The following FMN2 variants were observed in gnomAD, a reference collection of about 807,000 sequenced individuals.
FMN2 encodes formin-2.
A neutral mutation model predicts 142.3 loss-of-function variants in FMN2; 51 were observed. The ratio of observed to expected loss-of-function variants is 0.36; its 90% confidence interval spans 0.29 to 0.45. The LOEUF (loss-of-function observed/expected upper bound fraction) is 0.45. Ranked by LOEUF, FMN2 falls within the 20% of genes least tolerant of loss-of-function variation. The pLI, the probability that FMN2 is intolerant of heterozygous loss-of-function variation, is 1.00. For missense variants in FMN2, 1,936 were observed against 2,122.8 expected, an observed-to-expected ratio of 0.91 and a Z score of 1.73; for synonymous variants, 882 against 869.8, an observed-to-expected ratio of 1.01 and a Z score of -0.25.
rs1025272533 is a variant in FMN2, at chr1:240,417,711, T to G, written c.4911-20350T>G. ...ACTCTTCATATTGGACTATTTGTCT[T>G]TCTTAGTGGTACATAAAATATTATT... On this transcript the variant is annotated intron_variant, in intron 15 of 17. Transcript: ENST00000319653. Among the ~76,000 whole-genome samples, 9 of 152,304 alleles carry G rather than the reference T, an allele frequency of 5.9e-5. No individual in the cohort carries two copies. In the East Asian group the frequency reaches 1.5e-3, roughly 26 times the overall value.
At chr1:240,405,724 C>T (rs1674129460) in intron 15 of FMN2, among the ~76,000 whole-genome samples, 1 of 152,010 alleles carries the variant, frequency 6.6e-6, no homozygotes, top group South Asian at 2.1e-4. Context: ...GATTCCAGAA[C>T]TCAATAGTTA....
chr1:240,246,507 T>A (rs1298331723), intron 6 of FMN2, among the ~76,000 whole-genome samples: 1 of 152,152 alleles, frequency 6.6e-6, no homozygotes, highest in Non-Finnish European at 1.5e-5. Flanking sequence ...AACTGAGGCT[T>A]TAGGATGTTG....
chr1:240,353,190 G>T (rs1672153820), intron 13 of FMN2, among the ~76,000 whole-genome samples: 1 of 152,112 alleles, frequency 6.6e-6, no homozygotes, highest in Non-Finnish European at 1.5e-5. Context: ...ACTCCACTTG[G>T]TCTTATAAAA....
At position 240,207,683 on chromosome 1, in the gene FMN2, C is replaced by T. The variant is rs529662001; in HGVS notation, c.2871C>T (p.Pro957=). ...PLPGAAIPPP[P]PLPGAGIPLP... Reference sequence around the variant, plus strand: ...CCGGAGCGGCAATACCCCCTCCGCCCCCTCTTCCCGGGGCAGGCATACCCC... The same window carrying T: ...CCGGAGCGGCAATACCCCCTCCGCCTCCTCTTCCCGGGGCAGGCATACCCC... The change falls in exon 5 of 18, where the codon CCC becomes CCT. Residue 957 remains proline (P), a synonymous_variant. Coordinates refer to ENST00000319653, the MANE Select transcript of FMN2 (RefSeq NM_020066.5). 65 of 1,430,760 alleles carry T rather than the reference C, an allele frequency of 4.5e-5. 3 individuals are homozygous for T. The highest frequency in any genetic ancestry group is 3.7e-4 in the Admixed American group (21 of 56,576). 88.6% of individuals were successfully genotyped at this position (1,430,760 alleles called of 1,614,324 possible).
At chr1:240,353,174 G>A (rs1176954663) in intron 13 of FMN2, among the ~76,000 whole-genome samples, 1 of 152,182 alleles carries the variant, frequency 6.6e-6, no homozygotes, top group Non-Finnish European at 1.5e-5. Context: ...CACTTCCTTA[G>A]GCTGAACTCC....
At chr1:240,459,042 A>G (rs1676349635) in intron 16 of FMN2, 1 of 152,224 alleles carries the variant, frequency 6.6e-6, no homozygotes, top group Non-Finnish European at 1.5e-5. Flanking sequence ...AGACTTAAAA[A>G]TATTAGTGAT....
chr1:240,361,129 A>C (rs941446268), intron 14 of FMN2, among the ~76,000 whole-genome samples: 5 of 56,776 alleles, frequency 8.8e-5, no homozygotes, highest in Non-Finnish European at 1.5e-4. Context: ...ATAATAATAA[A>C]TAAATATATG....
intron 15 of FMN2, among the ~76,000 whole-genome samples, chr1:240,434,054 G>A (rs555639350): frequency 1.3e-5 from 2 of 152,304 alleles, no homozygotes; most frequent in South Asian, 2.1e-4. Flanking sequence ...AACAAAAGAC[G>A]TGTGGTGTTG....
intron 13 of FMN2, among the ~76,000 whole-genome samples, chr1:240,352,622 G>A (rs1672132174): frequency 1.3e-5 from 2 of 152,062 alleles, no homozygotes; most frequent in Admixed American, 6.6e-5. Flanking sequence ...AGACTTTTGG[G>A]AACACTGTGT....
intron 8 of FMN2, among the ~76,000 whole-genome samples, chr1:240,304,076 A>T (rs1014664475): frequency 2.6e-5 from 4 of 151,944 alleles, no homozygotes; most frequent in Non-Finnish European, 5.9e-5. Flanking sequence ...TTGTCTGTAC[A>T]TTGTTTTCTT....
At chr1:240,452,230 TC>T (rs1157741349) in intron 16 of FMN2, among the ~76,000 whole-genome samples, 2 of 152,112 alleles carry the variant, frequency 1.3e-5, no homozygotes, top group Non-Finnish European at 2.9e-5. Flanking sequence ...ATGTAGCCAT[TC>T]ACTCTTTTTC....
intron 2 of FMN2, among the ~76,000 whole-genome samples, chr1:240,139,429 C>T (rs994660267): frequency 9.9e-5 from 15 of 152,218 alleles, no homozygotes; most frequent in Admixed American, 2.0e-4. Flanking sequence ...GAGAGATTGA[C>T]GACTCTTCAG....
intron 1 of FMN2, among the ~76,000 whole-genome samples, chr1:240,106,117 A>G (rs1184425171): frequency 1.3e-5 from 2 of 152,332 alleles, no homozygotes; most frequent in African/African-American, 4.8e-5. Flanking sequence ...AAACAACTCT[A>G]TAGTATTTTA....
intron 16 of FMN2, among the ~76,000 whole-genome samples, chr1:240,441,359 G>C (rs181111844): frequency 1.9e-4 from 29 of 152,146 alleles, no homozygotes; most frequent in Non-Finnish European, 4.0e-4. Flanking sequence ...GAATGCCCTG[G>C]GACATGGATA....
At chr1:240,402,363 C>T (rs948039490) in intron 15 of FMN2, among the ~76,000 whole-genome samples, 14 of 152,302 alleles carry the variant, frequency 9.2e-5, no homozygotes, top group Admixed American at 5.9e-4. Context: ...GAAAGTGGAA[C>T]TTTGAGCTCC....
At chr1:240,164,968 A>AT (rs1356264809) in intron 2 of FMN2, among the ~76,000 whole-genome samples, 2 of 151,454 alleles carry the variant, frequency 1.3e-5, no homozygotes, top group Non-Finnish European at 2.9e-5. Flanking sequence ...TTATCCTCTT[A>AT]TTTTTTCTGC....
intron 13 of FMN2, among the ~76,000 whole-genome samples, chr1:240,351,020 G>T (rs1672077977): frequency 6.6e-6 from 1 of 152,164 alleles, no homozygotes; most frequent in Admixed American, 6.5e-5. Context: ...CTAAGTACTG[G>T]TAATACAGCA....
At chr1:240,144,639 C>CTGAG (rs1301530725) in intron 2 of FMN2, 1 of 1,292,822 alleles carries the variant, frequency 7.7e-7, no homozygotes, top group African/African-American at 1.5e-5. Context: ...CGCAGTAGGA[C>CTGAG]TGAGTTCTCA....
rs561673290 is a variant in FMN2, at chr1:240,231,501, A to G, written c.4065+20266A>G. Among the ~76,000 whole-genome samples, 3 of 152,224 alleles carry G rather than the reference A, an allele frequency of 2.0e-5. No homozygotes were observed. The South Asian group carries it at 6.2e-4, about 32-fold the overall frequency. ...AATACACAGTTTAAAAGCAAATTAT[A>G]CCATCGGCTAAATTAGAATCATTTA... is the stretch of plus-strand genomic sequence containing the variant. On this transcript the variant is annotated intron_variant, in intron 6 of 17. Transcript: ENST00000319653.
Sources: allele counts gnomAD v4.1 joint callset (sites outside exome capture counted in the v4.1 genomes callset), GRCh38; gene constraint gnomAD v4.1.1; transcripts MANE v1.5; gene names NCBI Gene and HGNC (gene_info 2026-07-23, HGNC 2026-07-21).